AGO2: variants seen among roughly 807,000 people sequenced by gnomAD.
AGO2 encodes argonaute RISC catalytic component 2.
AGO2 carries 5 observed loss-of-function variants against 102.3 expected under a neutral mutation model. The ratio of observed to expected loss-of-function variants is 0.05; its 90% CI spans 0.03 to 0.10. The LOEUF is 0.10. AGO2 is among the 10% of genes least tolerant of loss of function. The probability of loss-of-function intolerance (pLI) is 1.00; values close to 1 mark genes in which losing one functional copy is unlikely to be tolerated. For missense variants in AGO2, 541 were observed against 1,183.7 expected (o/e 0.46, Z 7.97); for synonymous variants, 449 against 473.1 (o/e 0.95, Z 0.66).
intron 1 of AGO2, among the ~76,000 whole-genome samples, chr8:140,615,970 T>C (rs2074137646): frequency 6.6e-6 from 1 of 152,244 alleles, no homozygotes; most frequent in Admixed American, 6.5e-5. Context: ...GAAACATGCT[T>C]TCTGATATCA....
In AGO2 at chr8:140,531,759, T is replaced by G; in HGVS notation, c.*285A>C. On this transcript the variant is annotated 3_prime_UTR_variant, in exon 19 of 19. Coordinates refer to ENST00000220592, the MANE Select transcript of AGO2 (RefSeq NM_012154.5). ...TTAAAGCCCTGAGTTCATAGACTGG[T>G]TTTAGGAGATTTTTAGGACACACGG... 1 of 290,050 alleles carries G rather than the reference T, an allele frequency of 3.4e-6. No homozygotes were observed. 18.0% of individuals were successfully genotyped at this position (290,050 alleles called of 1,614,324 possible).
At chr8:140,636,516 C>G (rs192034004), upstream of AGO2, 1 of 152,448 alleles carries the variant, frequency 6.6e-6, no homozygotes, top group East Asian at 1.9e-4. Flanking sequence ...AGTGCCTGGT[C>G]GCCTTTTCCC....
intron 3 of AGO2, chr8:140,572,571 G>A: frequency 2.3e-6 from 1 of 440,530 alleles, no homozygotes; most frequent in Non-Finnish European, 3.9e-6. Flanking sequence ...AAGTTTGGTG[G>A]TTTCAGCAAG....
At chr8:140,628,932 CAA>C (rs11354705) in intron 1 of AGO2, among the ~76,000 whole-genome samples, 5 of 150,712 alleles carry the variant, frequency 3.3e-5, no homozygotes, top group Non-Finnish European at 7.4e-5. Context: ...ACTAAAAATA[CAA>C]AAAAAAAATT....
intron 13 of AGO2, among the ~76,000 whole-genome samples, chr8:140,546,646 G>A (rs767239742): frequency 2.6e-5 from 4 of 152,234 alleles, no homozygotes; most frequent in Non-Finnish European, 5.9e-5. Flanking sequence ...CTGTGACTGG[G>A]AGCTCCAACA....
At chr8:140,594,563 G>A (rs895311425) in intron 1 of AGO2, among the ~76,000 whole-genome samples, 2 of 151,900 alleles carry the variant, frequency 1.3e-5, no homozygotes, top group African/African-American at 4.8e-5. Context: ...CGGGGCAGGT[G>A]GATCACTTGA....
Position 140,566,746 on chromosome 8 carries a change from G to A in AGO2, c.337-4112C>T, listed in dbSNP as rs547235187. Among the ~76,000 whole-genome samples the A allele has an allele frequency of 2.0e-5, 3 of 152,244 alleles. No homozygotes were observed. In the South Asian group the frequency reaches 6.2e-4, roughly 32 times the overall value. ...CTGTCAAACTGTCTGACTCCAGAAA[G>A]GGAGACAGAGTCTCTATGGGCCCAG... On this transcript the variant is annotated intron_variant, in intron 3 of 18. Coordinates refer to ENST00000220592, the MANE Select transcript of AGO2 (RefSeq NM_012154.5).
At position 140,540,192 on chromosome 8, in the gene AGO2, C is replaced by G. The variant is rs1310226019; in HGVS notation, c.2035-738G>C. On this transcript the variant is annotated intron_variant, in intron 15 of 18. Coordinates refer to ENST00000220592, the MANE Select transcript of AGO2 (RefSeq NM_012154.5). This position sits in a 1 kb window ranked among gnomAD's most constrained non-coding sequence, Gnocchi z 5.0. ...CCGGTCAAGGTGTATCCATTCTGTC[C>G]TCCCAGGAGGCCATGGGTCTCGGGA... is the stretch of plus-strand genomic sequence containing the variant. Among the ~76,000 whole-genome samples the G allele has an allele frequency of 6.6e-6, 1 of 152,224 alleles. No individual in the cohort carries two copies. Among genetic ancestry groups the G allele is most frequent in the Non-Finnish European group, 1.5e-5 (1 of 68,040 alleles).
intron 16 of AGO2, among the ~76,000 whole-genome samples, chr8:140,538,552 C>T (rs2072737746): frequency 6.6e-6 from 1 of 152,254 alleles, no homozygotes; most frequent in Non-Finnish European, 1.5e-5. Context: ...CATTCCCCTT[C>T]CGGAACACCT....
At chr8:140,615,601 T>A (rs756285239) in intron 1 of AGO2, among the ~76,000 whole-genome samples, 30 of 152,260 alleles carry the variant, frequency 2.0e-4, no homozygotes, top group Non-Finnish European at 4.1e-4. Context: ...TAGAAGTGGC[T>A]GACATCAGGT....
At chr8:140,550,027 A>C (rs1196896334) in intron 11 of AGO2, among the ~76,000 whole-genome samples, 1 of 152,208 alleles carries the variant, frequency 6.6e-6, no homozygotes, top group African/African-American at 2.4e-5. Context: ...GTCCACCCAT[A>C]TCTTCAGCTC....
At chr8:140,594,839 G>GTGTA (rs1360505516) in intron 1 of AGO2, among the ~76,000 whole-genome samples, 1 of 151,726 alleles carries the variant, frequency 6.6e-6, no homozygotes, top group African/African-American at 2.4e-5. Context: ...GTGTGTGTGT[G>GTGTA]TGTGTGTGTG....
chr8:140,588,714 A>C (rs2073701278), intron 1 of AGO2, among the ~76,000 whole-genome samples: 1 of 152,232 alleles, frequency 6.6e-6, no homozygotes, highest in East Asian at 1.9e-4. Flanking sequence ...CAATAAAGTA[A>C]GGTGTACCTG....
intron 1 of AGO2, among the ~76,000 whole-genome samples, chr8:140,629,204 C>T (rs566974474): frequency 2.2e-4 from 34 of 152,292 alleles, no homozygotes; most frequent in African/African-American, 7.7e-4. Flanking sequence ...AAACACTGCA[C>T]GAAACAGTAG....
chr8:140,527,577 G>C lies in AGO2; in HGVS notation c.*4467C>G, dbSNP rs367572433. On this transcript the variant is annotated 3_prime_UTR_variant, in exon 19 of 19. Transcript: ENST00000220592. This position sits in a 1 kb window ranked among gnomAD's most constrained non-coding sequence, Gnocchi z 6.0. Reference sequence around the variant, plus strand: ...GTGCACTGCATCCGCACCGAGAAGCGTCACAGCAGACGAGACTGCTGGCAC... The same window carrying C: ...GTGCACTGCATCCGCACCGAGAAGCCTCACAGCAGACGAGACTGCTGGCAC... The C allele has an allele frequency of 6.5e-6, 1 of 152,888 alleles. No homozygotes were observed. Among genetic ancestry groups the C allele is most frequent in the Non-Finnish European group, 1.5e-5 (1 of 68,032 alleles). The allele number at this position is 152,888 out of a possible 1,614,324, so 9.5% of individuals were successfully genotyped here.
intron 1 of AGO2, among the ~76,000 whole-genome samples, chr8:140,605,509 G>T (rs1405988893): frequency 6.6e-6 from 1 of 152,242 alleles, no homozygotes; most frequent in African/African-American, 2.4e-5. Flanking sequence ...GGGCTCTGGG[G>T]TAGGGAGGAC....
At chr8:140,600,674 C>T (rs1429748983) in intron 1 of AGO2, among the ~76,000 whole-genome samples, 3 of 147,562 alleles carry the variant, frequency 2.0e-5, no homozygotes. Flanking sequence ...GAGCGAAACT[C>T]CGTGTCAAAA....
intron 1 of AGO2, among the ~76,000 whole-genome samples, chr8:140,598,409 G>A (rs2073880643): frequency 1.3e-5 from 2 of 152,270 alleles, no homozygotes; most frequent in African/African-American, 4.8e-5. Flanking sequence ...CATCTCTCCT[G>A]CTTCGCAGCC....
At chr8:140,570,733 T>C (rs2073365095) in intron 3 of AGO2, among the ~76,000 whole-genome samples, 1 of 152,170 alleles carries the variant, frequency 6.6e-6, no homozygotes, top group Non-Finnish European at 1.5e-5. Flanking sequence ...GGTGAGGCAG[T>C]TGAGGCTTGG....
Sources: gnomAD v4.1 joint callset for allele counts (sites outside exome capture counted in the v4.1 genomes callset) on GRCh38, gnomAD v4.1.1 for gene constraint, Gnocchi (gnomAD v3.1) non-coding constraint, MANE v1.5 for transcripts, NCBI Gene and HGNC (gene_info 2026-07-23, HGNC 2026-07-21) for gene names.